IGF1: variants seen among roughly 807,000 people sequenced by gnomAD.
IGF1 encodes the protein insulin like growth factor 1, also known as insulin-like growth factor 1.
Under a neutral mutation model 13.8 loss-of-function variants are expected in IGF1, and 4 were observed. The observed-to-expected ratio is 0.29, with a 90% CI of 0.14 to 0.66. The LOEUF (loss-of-function observed/expected upper bound fraction) is 0.66, where lower values mean the gene tolerates loss of function less well. Among genes scored for constraint, IGF1 ranks in the 30% least tolerant of loss-of-function variants. The probability of loss-of-function intolerance (pLI) is 0.78; values close to 1 mark genes in which losing one functional copy is unlikely to be tolerated. For synonymous variants in IGF1, 76 were observed against 72.6 expected (o/e 1.05, Z -0.23); for missense variants, 124 against 188.5 (o/e 0.66, Z 2.00).
chr12:102,402,351 G>T lies in IGF1; in HGVS notation c.*156C>A. On this transcript the variant is annotated 3_prime_UTR_variant, in exon 4 of 4. Coordinates refer to ENST00000337514, the MANE Select transcript of IGF1 (RefSeq NM_000618.5). ...CAAATCACTCCTAAAGACAATGTTG[G>T]AATGTTTACTTGTGTATTTCATTGG... 1 of 735,654 alleles carries T rather than the reference G, an allele frequency of 1.4e-6. No individual in the cohort carries two copies. The highest frequency in any genetic ancestry group is 2.5e-6 in the Non-Finnish European group (1 of 396,686). 45.6% of individuals were successfully genotyped at this position (735,654 alleles called of 1,614,324 possible).
At chr12:102,442,706 C>T (rs1877972398) in intron 2 of IGF1, among the ~76,000 whole-genome samples, 1 of 152,134 alleles carries the variant, frequency 6.6e-6, no homozygotes, top group South Asian at 2.1e-4. Context: ...TGAGCAGCCG[C>T]TCATTTGCTC....
chr12:102,454,393 A>G (rs1487722017), intron 2 of IGF1, among the ~76,000 whole-genome samples: 1 of 152,206 alleles, frequency 6.6e-6, no homozygotes, highest in African/African-American at 2.4e-5. Flanking sequence ...CCTACTCCCT[A>G]GAAGGAAGTA....
At chr12:102,440,157 C>T (rs1877588823) in intron 2 of IGF1, among the ~76,000 whole-genome samples, 1 of 152,198 alleles carries the variant, frequency 6.6e-6, no homozygotes, top group Non-Finnish European at 1.5e-5. Context: ...ATAAGACAGA[C>T]CCCACACTGT....
chr12:102,419,807 A>G, intron 2 of IGF1, 117 bp from the exon 3 acceptor site: 1 of 977,024 alleles, frequency 1.0e-6, no homozygotes, highest in East Asian at 2.6e-5. Flanking sequence ...CAATGTCTCA[A>G]CCTCTTCTTG....
chr12:102,460,654 C>A (rs61935422), intron 2 of IGF1, among the ~76,000 whole-genome samples: 17 of 152,282 alleles, frequency 1.1e-4, no homozygotes, highest in African/African-American at 4.1e-4. Flanking sequence ...CGTCAGATTT[C>A]TTAAGGGATT....
intron 3 of IGF1, among the ~76,000 whole-genome samples, chr12:102,410,778 A>G (rs989119626): frequency 3.9e-5 from 6 of 152,328 alleles, no homozygotes; most frequent in African/African-American, 1.4e-4. Flanking sequence ...AGAACATTCA[A>G]ATGCTGTGTT....
At chr12:102,431,363 C>G (rs563912487) in intron 2 of IGF1, among the ~76,000 whole-genome samples, 55 of 152,282 alleles carry the variant, frequency 3.6e-4, no homozygotes, top group African/African-American at 1.2e-3. Flanking sequence ...CCATTAAACA[C>G]AAGTTTCTCC....
In IGF1 at chr12:102,397,492, C is replaced by G. The variant is rs1054943063; in HGVS notation, c.*5015G>C. ...TACCATATGCACTTAAAGCTTCTGACAGTCTTCTCTCTTTTTTAAATAGAA... is the reference window on the plus strand; with the variant it reads ...TACCATATGCACTTAAAGCTTCTGAGAGTCTTCTCTCTTTTTTAAATAGAA... On this transcript the variant is annotated 3_prime_UTR_variant, in exon 4 of 4. Transcript: ENST00000337514. The G allele has an allele frequency of 1.3e-5, 2 of 152,142 alleles. No homozygotes were observed. Among genetic ancestry groups the G allele is most frequent in the Non-Finnish European group, 2.9e-5 (2 of 68,016 alleles). The allele number at this position is 152,142 out of a possible 1,614,324, so 9.4% of individuals were successfully genotyped here.
intron 2 of IGF1, among the ~76,000 whole-genome samples, chr12:102,427,266 A>G (rs1387177830): frequency 6.6e-5 from 10 of 151,918 alleles, no homozygotes; most frequent in African/African-American, 2.2e-4. Context: ...CAGCTTGGAG[A>G]TTGTAGCTAT....
At chr12:102,438,158 G>C (rs939387667) in intron 2 of IGF1, among the ~76,000 whole-genome samples, 1 of 152,208 alleles carries the variant, frequency 6.6e-6, no homozygotes, top group Non-Finnish European at 1.5e-5. Context: ...AACTAAAGAA[G>C]CATAGTTCAC....
rs760690455 is a variant in IGF1 at position 102,402,467 on chromosome 12, T to C, written c.*40A>G. On this transcript the variant is annotated 3_prime_UTR_variant, in exon 4 of 4. Coordinates refer to ENST00000337514, the MANE Select transcript of IGF1 (RefSeq NM_000618.5). ...GTAACTCGTGCAGAGCAAAGGATCC[T>C]GCGGTGGCATGTCACTCTTCACTCC... is the stretch of plus-strand genomic sequence containing the variant. 1.0e-5 allele frequency: 8 copies of C among 780,742 alleles called. No individual in the cohort carries two copies. The East Asian group carries it at 1.9e-4, about 19-fold the overall frequency. 48.4% of individuals were successfully genotyped at this position (780,742 alleles called of 1,614,324 possible).
chr12:102,442,111 G>T (rs1183912306), intron 2 of IGF1, among the ~76,000 whole-genome samples: 1 of 151,586 alleles, frequency 6.6e-6, no homozygotes, highest in Non-Finnish European at 1.5e-5. Context: ...TACCATGTCT[G>T]GTTAATTTTT....
At chr12:102,421,292 G>T (rs1197569838) in intron 2 of IGF1, among the ~76,000 whole-genome samples, 1 of 152,188 alleles carries the variant, frequency 6.6e-6, no homozygotes, top group African/African-American at 2.4e-5. Context: ...TGGCATTTGG[G>T]AGGGACTGGG....
chr12:102,418,097 A>G lies in IGF1; in HGVS notation c.402+1412T>C. The G allele has an allele frequency of 5.3e-6, 7 of 1,324,226 alleles. No homozygotes were observed. In the South Asian group the frequency reaches 9.6e-5, roughly 18 times the overall value. The allele number at this position is 1,324,226 out of a possible 1,614,324, so 82.0% of individuals were successfully genotyped here. A position where few individuals can be genotyped will look rare whatever the true frequency, so the allele number is the denominator to read the frequency against. ...AGAATGCCCAGGCTCCATATGATGC[A>G]GGAGACAGCACTCATGCTGGAGAGG... is the stretch of plus-strand genomic sequence containing the variant. On this transcript the variant is annotated intron_variant, in intron 3 of 3. Coordinates refer to ENST00000337514, the MANE Select transcript of IGF1 (RefSeq NM_000618.5).
chr12:102,413,368 C>A (rs969048979), intron 3 of IGF1, among the ~76,000 whole-genome samples: 2 of 152,150 alleles, frequency 1.3e-5, no homozygotes, highest in Admixed American at 6.5e-5. Flanking sequence ...TGTTAATGGA[C>A]TTGAGAAATT....
chr12:102,427,929 C>G (rs1226988263), intron 2 of IGF1, among the ~76,000 whole-genome samples: 4 of 151,956 alleles, frequency 2.6e-5, no homozygotes, highest in Non-Finnish European at 5.9e-5. Context: ...TGTGTGATGT[C>G]CCTTTCATGC....
intron 2 of IGF1, among the ~76,000 whole-genome samples, chr12:102,436,910 C>T (rs1277623748): frequency 1.3e-5 from 2 of 152,196 alleles, no homozygotes; most frequent in African/African-American, 2.4e-5. Context: ...TTAAATCCAA[C>T]AGTGCCCAAA....
At position 102,419,533 on chromosome 12, in the gene IGF1, G is replaced by A. The variant is rs1466842720; in HGVS notation, c.378C>T (p.His126=). 2 of 1,613,470 alleles carry A rather than the reference G, an allele frequency of 1.2e-6. No homozygotes were observed. Among genetic ancestry groups the A allele is most frequent in the Admixed American group, 3.3e-5 (2 of 60,002 alleles). The part of the protein sequence containing the change: ...KSARSVRAQR[H]TDMPKTQKEV... ...CCTTCTGGGTCTTGGGCATGTCGGT[G>A]TGGCGCTGGGCACGGACAGAGCGAG... Residue 126 remains histidine, a synonymous_variant, in exon 3 of 4, where the codon CAC becomes CAT. Transcript: ENST00000337514.
At chr12:102,418,034 G>A (rs1452450352) in intron 3 of IGF1, 2 of 1,602,594 alleles carry the variant, frequency 1.2e-6, no homozygotes, top group South Asian at 2.3e-5. Flanking sequence ...ATTGCATTGA[G>A]AACAAGTGGT....
Sources: gnomAD v4.1 joint callset for allele counts (sites outside exome capture counted in the v4.1 genomes callset) on GRCh38, gnomAD v4.1.1 for gene constraint, MANE v1.5 for transcripts, NCBI Gene and HGNC (gene_info 2026-07-23, HGNC 2026-07-21) for gene names.